FBXO16: variants seen among roughly 807,000 people sequenced by gnomAD.
FBXO16 encodes the protein F-box protein 16.
A neutral mutation model predicts 41.0 loss-of-function variants in FBXO16; 31 were observed. The ratio of observed to expected loss-of-function variants is 0.76; its 90% CI spans 0.57 to 1.02. The LOEUF (loss-of-function observed/expected upper bound fraction) is 1.02, where lower values mean the gene tolerates loss of function less well. FBXO16 is among the 50% of genes least tolerant of loss of function. The probability of loss-of-function intolerance (pLI) is 0.00; values close to 1 mark genes in which losing one functional copy is unlikely to be tolerated. For synonymous variants in FBXO16, 133 were observed against 117.8 expected, an observed-to-expected ratio of 1.13 and a Z score of -0.84; for missense variants, 361 against 346.2, an observed-to-expected ratio of 1.04 and a Z score of -0.34.
At chr8:28,474,167 A>G (rs1274193772) in intron 2 of FBXO16, among the ~76,000 whole-genome samples, 1 of 151,906 alleles carries the variant, frequency 6.6e-6, no homozygotes, top group Non-Finnish European at 1.5e-5. Flanking sequence ...CTACAAAAAT[A>G]CAAAAAATTA....
chr8:28,446,733 A>G (rs1056633684), intron 7 of FBXO16, among the ~76,000 whole-genome samples: 2 of 151,886 alleles, frequency 1.3e-5, no homozygotes, highest in African/African-American at 2.4e-5. Flanking sequence ...TTAGCTGGGC[A>G]TGGTGGTGGC....
intron 3 of FBXO16, among the ~76,000 whole-genome samples, chr8:28,468,237 A>C (rs1803276590): frequency 6.6e-6 from 1 of 152,176 alleles, no homozygotes; most frequent in South Asian, 2.1e-4. Flanking sequence ...CTTGCTTCCC[A>C]ATTCATTCCT....
intron 7 of FBXO16, among the ~76,000 whole-genome samples, chr8:28,445,364 AG>A (rs1208127252): frequency 4.6e-5 from 7 of 152,330 alleles, no homozygotes; most frequent in African/African-American, 1.7e-4. Context: ...TAATGTCAAA[AG>A]CCCATGGGGA....
chr8:28,433,141 T>G (rs1284491576), intron 7 of FBXO16, among the ~76,000 whole-genome samples: 1 of 152,134 alleles, frequency 6.6e-6, no homozygotes, highest in East Asian at 1.9e-4. Flanking sequence ...ATCCTCCATC[T>G]GTCCCTATGA....
chr8:28,465,983 T>C (rs534409583), intron 3 of FBXO16, among the ~76,000 whole-genome samples: 1 of 152,254 alleles, frequency 6.6e-6, no homozygotes, highest in South Asian at 2.1e-4. Flanking sequence ...ATTAGAGGCG[T>C]GGTGGCTCAT....
At chr8:28,455,607 C>A (rs1032684013) in intron 5 of FBXO16, 2 of 152,174 alleles carry the variant, frequency 1.3e-5, no homozygotes, top group Non-Finnish European at 2.9e-5. Context: ...ACTTTTCTCT[C>A]TTCTGCCCCT....
At chr8:28,474,943 G>A (rs113075350) in intron 2 of FBXO16, among the ~76,000 whole-genome samples, 1,656 of 152,316 alleles carry the variant, frequency 0.011, 39 homozygotes, top group African/African-American at 0.037. Flanking sequence ...CAGTGAGTGA[G>A]GAAAGGAAGA....
chr8:28,437,602 G>A (rs73230937), intron 7 of FBXO16, among the ~76,000 whole-genome samples: 4,518 of 152,288 alleles, frequency 0.03, 147 homozygotes, highest in East Asian at 0.16. Context: ...GCTAGGCGCC[G>A]TGACCCACAC....
At chr8:28,485,300 G>T (rs957198916) in intron 1 of FBXO16, among the ~76,000 whole-genome samples, 1 of 152,136 alleles carries the variant, frequency 6.6e-6, no homozygotes, top group Non-Finnish European at 1.5e-5. Context: ...AGCCTCCCGA[G>T]TAGCTAGGAC....
intron 7 of FBXO16, among the ~76,000 whole-genome samples, chr8:28,440,586 G>GA (rs995025778): frequency 1.9e-4 from 29 of 152,088 alleles, no homozygotes; most frequent in African/African-American, 6.3e-4. Flanking sequence ...TTGAGTGAAG[G>GA]AAAAAAGGTG....
At chr8:28,428,825 G>A (rs2270654) in intron 8 of FBXO16, 89 bp from the exon 9 acceptor site, 187,069 of 1,375,860 alleles carry the variant, frequency 0.14, 14,429 homozygotes, top group African/African-American at 0.27. Flanking sequence ...GACATAAAAC[G>A]ATTTTACAAA....
At chr8:28,457,059 A>G in intron 4 of FBXO16, 129 bp from the exon 5 acceptor site, 1 of 890,922 alleles carries the variant, frequency 1.1e-6, no homozygotes, top group Non-Finnish European at 1.6e-6. Context: ...CCTCCAAACC[A>G]TAGCTTAAAT....
At chr8:28,477,574 G>C (rs1275238596) in intron 2 of FBXO16, among the ~76,000 whole-genome samples, 3 of 152,166 alleles carry the variant, frequency 2.0e-5, no homozygotes, top group Admixed American at 6.5e-5. Context: ...GTATGGGTGT[G>C]TGTGTATGTA....
chr8:28,431,604 C>T (rs1802606727), intron 7 of FBXO16, among the ~76,000 whole-genome samples: 1 of 152,190 alleles, frequency 6.6e-6, no homozygotes, highest in East Asian at 1.9e-4. Flanking sequence ...CAGAAAGGTC[C>T]GTCTTCATAG....
Position 28,428,415 on chromosome 8 carries a change from C to T in FBXO16, c.*312G>A. 1 of 716,478 alleles carries T rather than the reference C, an allele frequency of 1.4e-6. No individual in the cohort carries two copies. Among genetic ancestry groups the T allele is most frequent in the Non-Finnish European group, 2.2e-6 (1 of 459,650 alleles). The allele number at this position is 716,478 out of a possible 1,614,324, so 44.4% of individuals were successfully genotyped here. ...TCCGTAAATCTGTCCACATTTATGC[C>T]ATGAATTCCTTTTTACTGAAATACC... On this transcript the variant is annotated 3_prime_UTR_variant, in exon 9 of 9. Transcript: ENST00000380254.
rs60769796 is a variant in FBXO16 at position 28,461,083 on chromosome 8, C to CTTT, written c.342+2526_342+2528dup. On this transcript the variant is annotated intron_variant, in intron 4 of 8. Coordinates refer to ENST00000380254, the MANE Select transcript of FBXO16 (RefSeq NM_172366.4). ...ATGGTAGGACAGTTCTATACCTCTG[C>CTTT]TTTTTTTTTTTTTTTTTTACCAATG... Among the ~76,000 whole-genome samples the CTTT allele has an allele frequency of 2.1e-3, 292 of 136,426 alleles. 1 individual carries two copies. The highest frequency in any genetic ancestry group is 2.9e-3 in the Non-Finnish European group (186 of 63,212). 89.5% of individuals were successfully genotyped at this position (136,426 alleles called of 152,430 possible). A position where few individuals can be genotyped will look rare whatever the true frequency, so the allele number is the denominator to read the frequency against.
At chr8:28,475,990 C>T (rs558457787) in intron 2 of FBXO16, among the ~76,000 whole-genome samples, 1 of 152,304 alleles carries the variant, frequency 6.6e-6, no homozygotes, top group South Asian at 2.1e-4. Context: ...GCACTTGATT[C>T]CTCACCAGAT....
chr8:28,466,687 T>C (rs1038307513), intron 3 of FBXO16, among the ~76,000 whole-genome samples: 2 of 149,252 alleles, frequency 1.3e-5, no homozygotes, highest in African/African-American at 4.9e-5. Flanking sequence ...CCCAGTTACA[T>C]GGGAGGCTGA....
intron 2 of FBXO16, among the ~76,000 whole-genome samples, chr8:28,480,092 T>C (rs1386793933): frequency 1.3e-5 from 2 of 152,150 alleles, no homozygotes; most frequent in African/African-American, 4.8e-5. Context: ...AGGCTGAATC[T>C]GTCTCTCTCC....
Sources: allele counts gnomAD v4.1 joint callset (sites outside exome capture counted in the v4.1 genomes callset), GRCh38; gene constraint gnomAD v4.1.1; transcripts MANE v1.5; gene names NCBI Gene and HGNC (gene_info 2026-07-23, HGNC 2026-07-21).